The following WWOX variants were observed in gnomAD, a reference collection of about 807,000 sequenced individuals.
WWOX encodes the protein WW domain containing oxidoreductase, also known as WW domain-containing oxidoreductase.
A neutral mutation model predicts 46.2 loss-of-function variants in WWOX; 69 were observed. The observed-to-expected ratio is 1.49, with a 90% CI of 1.23 to 1.82. The LOEUF is 1.82. WWOX is among the 40% of genes most tolerant of loss of function. WWOX has a pLI of 0.00. For missense variants in WWOX, 919 were observed against 542.6 expected (o/e 1.69, Z -6.89); for synonymous variants, 359 against 202.6 (o/e 1.77, Z -6.56).
intron 8 of WWOX, among the ~76,000 whole-genome samples, chr16:78,886,047 C>T (rs987429558): frequency 1.3e-5 from 2 of 151,628 alleles, no homozygotes; most frequent in East Asian, 3.9e-4. Flanking sequence ...ACCTCAGCAT[C>T]CTGAGTAGCT....
At chr16:79,104,643 G>A (rs761953002) in intron 8 of WWOX, among the ~76,000 whole-genome samples, 1 of 152,146 alleles carries the variant, frequency 6.6e-6, no homozygotes, top group Non-Finnish European at 1.5e-5. Flanking sequence ...ATGTACCTTT[G>A]TGTCTCCTTG....
Position 78,337,760 on chromosome 16 carries a change from C to T in WWOX, c.517-49100C>T, listed in dbSNP as rs904468433. 8.9e-5 allele frequency among the ~76,000 whole-genome samples: 5 copies of T among 56,080 alleles called. 1 individual carries two copies. The highest frequency in any genetic ancestry group is 2.6e-4 in the African/African-American group (5 of 19,508). The allele number at this position is 56,080 out of a possible 152,430, so 36.8% of individuals were successfully genotyped here. A position where few individuals can be genotyped will look rare whatever the true frequency, so the allele number is the denominator to read the frequency against. On this transcript the variant is annotated intron_variant, in intron 5 of 8. Transcript: ENST00000566780. ...CTCAGAATGAAATATCCCTGTACTC[C>T]AAGATGCCTCCAGCAATTATAATTG...
At chr16:78,303,522 G>GT (rs1268884272) in intron 5 of WWOX, among the ~76,000 whole-genome samples, 1 of 151,928 alleles carries the variant, frequency 6.6e-6, no homozygotes. Context: ...TTTCGTTTTT[G>GT]TTTTTTGTTT....
chr16:78,283,648 C>T (rs998827090), intron 5 of WWOX, among the ~76,000 whole-genome samples: 4 of 151,170 alleles, frequency 2.6e-5, no homozygotes, highest in Admixed American at 6.6e-5. Flanking sequence ...CTTTAGAAAA[C>T]GTATTTACAT....
At chr16:78,821,433 G>A (rs1001340149) in intron 8 of WWOX, among the ~76,000 whole-genome samples, 3 of 152,060 alleles carry the variant, frequency 2.0e-5, no homozygotes, top group Non-Finnish European at 2.9e-5. Flanking sequence ...TGAAAACCCG[G>A]TGGCTAATAA....
intron 8 of WWOX, among the ~76,000 whole-genome samples, chr16:79,135,763 TA>T (rs968589729): frequency 9.2e-5 from 14 of 151,986 alleles, no homozygotes; most frequent in African/African-American, 3.1e-4. Flanking sequence ...ATCAGTCGTG[TA>T]AAAAAAATCC....
chr16:78,823,226 G>A (rs960488537), intron 8 of WWOX, among the ~76,000 whole-genome samples: 7 of 152,222 alleles, frequency 4.6e-5, no homozygotes, highest in African/African-American at 1.4e-4. Context: ...GGATGGTGCT[G>A]TATAGAAATG....
intron 5 of WWOX, among the ~76,000 whole-genome samples, chr16:78,232,742 T>A (rs964394358): frequency 1.3e-5 from 2 of 152,230 alleles, no homozygotes; most frequent in Non-Finnish European, 2.9e-5. Flanking sequence ...AAAAACTCTT[T>A]GAAAAATGTA....
chr16:78,336,128 G>C (rs745567372), intron 5 of WWOX, among the ~76,000 whole-genome samples: 1 of 151,676 alleles, frequency 6.6e-6, no homozygotes, highest in Admixed American at 6.6e-5. Context: ...AAGACTAAAT[G>C]TATAAAAGGT....
chr16:78,906,654 G>GT (rs2044973278), intron 8 of WWOX, among the ~76,000 whole-genome samples: 1 of 152,204 alleles, frequency 6.6e-6, no homozygotes, highest in Non-Finnish European at 1.5e-5. Context: ...AAAGGTTACT[G>GT]TTGGATGAAA....
rs191451641 is a variant in WWOX at position 78,720,664 on chromosome 16, A to C, written c.1056+287912A>C. 2.0e-5 allele frequency among the ~76,000 whole-genome samples: 3 copies of C among 152,164 alleles called. No homozygotes were observed. The East Asian group carries it at 5.8e-4, about 30-fold the overall frequency. On this transcript the variant is annotated intron_variant, in intron 8 of 8. Transcript: ENST00000566780. ...CCCTTGAATTGAATATGAGGCTCTG[A>C]CTATATAACAGAAAACACCCGAGTT... is the stretch of plus-strand genomic sequence containing the variant.
intron 8 of WWOX, among the ~76,000 whole-genome samples, chr16:78,782,881 T>A (rs8049068): frequency 0.017 from 2,553 of 152,282 alleles, 73 homozygotes; most frequent in African/African-American, 0.058. Flanking sequence ...CAAAAATGTC[T>A]TCTCTCTCAG....
intron 8 of WWOX, among the ~76,000 whole-genome samples, chr16:79,009,233 G>A (rs940234290): frequency 6.6e-6 from 1 of 152,194 alleles, no homozygotes; most frequent in Admixed American, 6.5e-5. Flanking sequence ...TCACTTGAGT[G>A]TTACAAACGG....
At chr16:78,694,124 C>T (rs940313072) in intron 8 of WWOX, among the ~76,000 whole-genome samples, 1 of 152,066 alleles carries the variant, frequency 6.6e-6, no homozygotes, top group Non-Finnish European at 1.5e-5. Flanking sequence ...CCCAGCTACT[C>T]TGTAGGCTGA....
chr16:78,135,597 A>G (rs2033760817), intron 4 of WWOX, among the ~76,000 whole-genome samples: 1 of 152,090 alleles, frequency 6.6e-6, no homozygotes, highest in Admixed American at 6.6e-5. Flanking sequence ...TATCCATGAC[A>G]TTTATCTAAA....
chr16:78,481,917 T>G (rs1433672023), intron 8 of WWOX, among the ~76,000 whole-genome samples: 6 of 152,140 alleles, frequency 3.9e-5, no homozygotes, highest in Non-Finnish European at 5.9e-5. Context: ...GAGAGAACCT[T>G]TCCTTACCCA....
chr16:79,052,868 GGC>G (rs2048194856), intron 8 of WWOX, among the ~76,000 whole-genome samples: 4 of 151,704 alleles, frequency 2.6e-5, no homozygotes, highest in Non-Finnish European at 1.5e-5. Flanking sequence ...AGAAGTGGAT[GGC>G]AAGAAGATAA....
At chr16:78,511,187 G>T (rs1006449773) in intron 8 of WWOX, among the ~76,000 whole-genome samples, 7 of 152,106 alleles carry the variant, frequency 4.6e-5, no homozygotes, top group African/African-American at 1.7e-4. Context: ...GGCAGAAGAC[G>T]GCTGTCATTA....
intron 5 of WWOX, chr16:78,167,293 C>A (rs1051244718): frequency 6.6e-6 from 1 of 152,172 alleles, no homozygotes; most frequent in African/African-American, 2.4e-5. Flanking sequence ...CCTGTTTCCT[C>A]ATCTTTAAGG....
Sources: allele counts gnomAD v4.1 joint callset (sites outside exome capture counted in the v4.1 genomes callset), GRCh38; gene constraint gnomAD v4.1.1; transcripts MANE v1.5; gene names NCBI Gene and HGNC (gene_info 2026-07-23, HGNC 2026-07-21).